Variants in TOMM5 observed in about 807,000 individuals in gnomAD.
The protein encoded by TOMM5 is translocase of outer mitochondrial membrane 5.
A neutral mutation model predicts 4.8 loss-of-function variants in TOMM5; 1 was observed. The ratio of observed to expected loss-of-function variants is 0.21; its 90% CI spans 0.07 to 0.99. TOMM5 has a LOEUF of 0.99. TOMM5 is among the 50% of genes least tolerant of loss of function. TOMM5 has a pLI of 0.60. For synonymous variants in TOMM5, 26 were observed against 26.7 expected (o/e 0.97, Z 0.08); for missense variants, 60 against 66.6 (o/e 0.90, Z 0.35).
intron 1 of TOMM5, 45 bp from the exon 2 acceptor site, chr9:37,588,977 C>G: frequency 6.8e-7 from 1 of 1,472,928 alleles, no homozygotes; most frequent in East Asian, 2.3e-5. Flanking sequence ...ATCTATTAGC[C>G]CATAGGCTAC....
At chr9:37,589,443 C>T (rs1823066736) in intron 1 of TOMM5, among the ~76,000 whole-genome samples, 1 of 152,104 alleles carries the variant, frequency 6.6e-6, no homozygotes, top group African/African-American at 2.4e-5. Context: ...CTACCTCAGT[C>T]ATTAAGAGGG....
chr9:37,592,190 G>A (rs1588874606), intron 1 of TOMM5: 2 of 1,493,458 alleles, frequency 1.3e-6, no homozygotes, highest in South Asian at 1.3e-5. Context: ...GGAGAACCAG[G>A]ATGATTAAAC....
intron 1 of TOMM5, among the ~76,000 whole-genome samples, chr9:37,589,526 A>G (rs1439632699): frequency 2.0e-5 from 3 of 152,130 alleles, no homozygotes; most frequent in Non-Finnish European, 4.4e-5. Flanking sequence ...AAGTGATATT[A>G]CTGTCCTGTG....
At chr9:37,592,334 G>C in intron 1 of TOMM5, 78 bp downstream of exon 1, 1 of 1,603,882 alleles carries the variant, frequency 6.2e-7, no homozygotes, top group Non-Finnish European at 8.5e-7. Context: ...CGAAGGCCCC[G>C]ATGACCCCTT....
At chr9:37,590,286 G>T (rs1159703201) in intron 1 of TOMM5, among the ~76,000 whole-genome samples, 1 of 152,146 alleles carries the variant, frequency 6.6e-6, no homozygotes, top group Admixed American at 6.5e-5. Flanking sequence ...CAATTACTCA[G>T]GAGGCTGAAG....
intron 1 of TOMM5, among the ~76,000 whole-genome samples, chr9:37,590,009 A>G (rs921363293): frequency 6.6e-6 from 1 of 152,218 alleles, no homozygotes; most frequent in Non-Finnish European, 1.5e-5. Context: ...GTTCTGACAC[A>G]TGCTACAACA....
At position 37,588,686 on chromosome 9, in the gene TOMM5, C is replaced by G; in HGVS notation, c.*212G>C. On this transcript the variant is annotated 3_prime_UTR_variant, in exon 2 of 2. Transcript: ENST00000321301. ...CAAACGTCACAGGGATAAGGGTACA[C>G]CAGATCACGAGACATCGTTTCATAC... 1 of 693,042 alleles carries G rather than the reference C, an allele frequency of 1.4e-6. No individual in the cohort carries two copies. Among genetic ancestry groups the G allele is most frequent in the Non-Finnish European group, 2.6e-6 (1 of 379,826 alleles). The allele number at this position is 693,042 out of a possible 1,614,324, so 42.9% of individuals were successfully genotyped here.
chr9:37,591,521 A>G (rs552414222), intron 1 of TOMM5, among the ~76,000 whole-genome samples: 34 of 152,006 alleles, frequency 2.2e-4, no homozygotes, highest in African/African-American at 7.5e-4. Context: ...TTAAACACCC[A>G]TCTCTACTAA....
Position 37,588,941 on chromosome 9 carries a change from A to G in TOMM5, c.122-9T>C, listed in dbSNP as rs199533889. ...CTTTAAGATAAATGGAGCTGAAAGA[A>G]AAACAAATCTAAAATTAGTTTTCAA... On this transcript the variant is annotated splice_polypyrimidine_tract_variant and intron_variant, in intron 1 of 1. Coordinates refer to ENST00000321301, the MANE Select transcript of TOMM5 (RefSeq NM_001001790.3). 2 of 1,610,036 alleles carry G rather than the reference A, an allele frequency of 1.2e-6. No individual in the cohort carries two copies. Among genetic ancestry groups the G allele is most frequent in the Non-Finnish European group, 1.7e-6 (2 of 1,177,126 alleles).
chr9:37,591,967 G>A (rs1588874515), intron 1 of TOMM5, among the ~76,000 whole-genome samples: 1 of 152,068 alleles, frequency 6.6e-6, no homozygotes, highest in East Asian at 1.9e-4. Flanking sequence ...ACTCAAGCTG[G>A]AGTGCAGTGT....
chr9:37,589,073 A>G lies in TOMM5; in HGVS notation c.122-141T>C, dbSNP rs1486845702. On this transcript the variant is annotated intron_variant, in intron 1 of 1. Coordinates refer to ENST00000321301, the MANE Select transcript of TOMM5 (RefSeq NM_001001790.3). ...GCATGTGCCTGTACAGCCCAGCAAA[A>G]GGGACTAGTTGCCTTCCAAAGCAGC... 1.6e-5 allele frequency: 11 copies of G among 683,108 alleles called. No homozygotes were observed. The East Asian group carries it at 3.0e-4, about 19-fold the overall frequency. The allele number at this position is 683,108 out of a possible 1,614,324, so 42.3% of individuals were successfully genotyped here. A position where few individuals can be genotyped will look rare whatever the true frequency, so the allele number is the denominator to read the frequency against.
At position 37,588,550 on chromosome 9, in the gene TOMM5, G is replaced by C. The variant is rs1469102322; in HGVS notation, c.*348C>G. The C allele has an allele frequency of 2.4e-6, 1 of 421,982 alleles. No individual in the cohort carries two copies. The highest frequency in any genetic ancestry group is 2.1e-5 in the South Asian group (1 of 47,076). 26.1% of individuals were successfully genotyped at this position (421,982 alleles called of 1,614,324 possible). A position where few individuals can be genotyped will look rare whatever the true frequency, so the allele number is the denominator to read the frequency against. On this transcript the variant is annotated 3_prime_UTR_variant, in exon 2 of 2. Transcript: ENST00000321301. ...AAATACACTCTGGGCAGAAGAAAAA[G>C]GTAAACAGAAATGACTGACAAGACA...
At chr9:37,592,179 G>A (rs770570416) in intron 1 of TOMM5, 2 of 1,474,166 alleles carry the variant, frequency 1.4e-6, no homozygotes, top group Admixed American at 2.2e-5. Context: ...TCTTCAAGCT[G>A]GGAGAACCAG....
chr9:37,592,125 G>C, intron 1 of TOMM5: 2 of 1,195,472 alleles, frequency 1.7e-6, no homozygotes, highest in South Asian at 3.1e-5. Context: ...AAAGTGCTGG[G>C]TGGGATTACA....
rs34121872 is a variant in TOMM5 at position 37,591,695 on chromosome 9, G to GAA, written c.121+715_121+716dup. ...CAACAGGGCGTGACTGTGTATCGAG[G>GAA]AAAAAAAAAAAAAAGAAAAGAAAAG... is the stretch of plus-strand genomic sequence containing the variant. On this transcript the variant is annotated intron_variant, in intron 1 of 1. Transcript: ENST00000321301. 6.5e-5 allele frequency among the ~76,000 whole-genome samples: 9 copies of GAA among 137,714 alleles called. No individual in the cohort carries two copies. In the South Asian group the frequency reaches 1.7e-3, roughly 25 times the overall value. 90.3% of individuals were successfully genotyped at this position (137,714 alleles called of 152,430 possible). A position where few individuals can be genotyped will look rare whatever the true frequency, so the allele number is the denominator to read the frequency against.
At position 37,592,441 on chromosome 9, in the gene TOMM5, A is replaced by T. The variant is rs1823122179; in HGVS notation, c.92T>A (p.Phe31Tyr). Residue 31 changes from phenylalanine to tyrosine, a missense_variant, in exon 1 of 2, where the codon TTT (phenylalanine) becomes TAT (tyrosine). By Grantham distance (22) the Phe-to-Tyr change is conservative. Coordinates refer to ENST00000321301, the MANE Select transcript of TOMM5 (RefSeq NM_001001790.3). The stretch of plus-strand genomic sequence containing the variant: ...TCGCAGGAGGGCCACGTAGATGAGA[A>T]AGTTCCGTATGGAGGAGATCACATC... ...REDVISSIRN[F>Y]LIYVALLRVT... is the part of the protein sequence containing the mutation. 6.2e-7 allele frequency: 1 copy of T among 1,614,018 alleles called. No individual in the cohort carries two copies. The highest frequency in any genetic ancestry group is 8.5e-7 in the Non-Finnish European group (1 of 1,180,018).
intron 1 of TOMM5, among the ~76,000 whole-genome samples, chr9:37,590,679 C>G (rs1032095866): frequency 2.6e-5 from 4 of 152,112 alleles, no homozygotes; most frequent in African/African-American, 9.7e-5. Flanking sequence ...ATACAAAGGT[C>G]ACTGAGAAGC....
chr9:37,591,628 G>T (rs1823103734), intron 1 of TOMM5, among the ~76,000 whole-genome samples: 1 of 151,634 alleles, frequency 6.6e-6, no homozygotes, highest in Non-Finnish European at 1.5e-5. Flanking sequence ...GGAGGCAGAG[G>T]TTGCAGTGAG....
In TOMM5 at chr9:37,588,739, TG is replaced by T; in HGVS notation, c.*158del. On this transcript the variant is annotated 3_prime_UTR_variant, in exon 2 of 2. Transcript: ENST00000321301. ...CCCAAATAGTTTTATATTTTAGCTT[TG>T]AAGGTCAGTTACCAGAGCCAAACTT... 1.4e-6 allele frequency: 1 copy of T among 739,002 alleles called. No homozygotes were observed. 45.8% of individuals were successfully genotyped at this position (739,002 alleles called of 1,614,324 possible).
Sources: gnomAD v4.1 joint callset for allele counts (sites outside exome capture counted in the v4.1 genomes callset) on GRCh38, gnomAD v4.1.1 for gene constraint, MANE v1.5 for transcripts, NCBI Gene and HGNC (gene_info 2026-07-23, HGNC 2026-07-21) for gene names.